Variants in SNX6 observed in about 807,000 individuals in gnomAD.
SNX6 encodes the protein sorting nexin-6.
In SNX6, 34 loss-of-function variants were observed where a neutral mutation model predicts 63.0. The ratio of observed to expected loss-of-function variants is 0.54; its 90% confidence interval spans 0.41 to 0.72. The LOEUF (loss-of-function observed/expected upper bound fraction) is 0.72. Ranked by LOEUF, SNX6 falls within the 30% of genes least tolerant of loss-of-function variation. The pLI, the probability that SNX6 is intolerant of heterozygous loss-of-function variation, is 0.00. For missense variants in SNX6, 398 were observed against 471.4 expected (o/e 0.84, Z 1.44); for synonymous variants, 170 against 164.2 (o/e 1.04, Z -0.27).
intron 2 of SNX6, among the ~76,000 whole-genome samples, chr14:34,617,098 C>A (rs1026074072): frequency 5.3e-5 from 8 of 151,802 alleles, no homozygotes; most frequent in African/African-American, 1.9e-4. Context: ...AAAATTTAAT[C>A]AACTTTCTGT....
rs533524956 is a variant in SNX6 at position 34,612,787 on chromosome 14, C to T, written c.55-3045G>A. On this transcript the variant is annotated intron_variant, in intron 2 of 13. Transcript: ENST00000362031. Reference sequence around the variant, plus strand: ...GAGGCCAGGCGCCACTGGTGGCTCACGCCTGTAATCCCAGCACTTTGGGAG... The same window carrying T: ...GAGGCCAGGCGCCACTGGTGGCTCATGCCTGTAATCCCAGCACTTTGGGAG... 3.3e-5 allele frequency among the ~76,000 whole-genome samples: 5 copies of T among 152,006 alleles called. No individual in the cohort carries two copies. In the South Asian group the frequency reaches 8.3e-4, roughly 25 times the overall value.
At chr14:34,596,012 G>A (rs1882581927) in intron 7 of SNX6, among the ~76,000 whole-genome samples, 1 of 151,958 alleles carries the variant, frequency 6.6e-6, no homozygotes, top group African/African-American at 2.4e-5. Context: ...GAGGTCAGGA[G>A]ATGGAGACCA....
At chr14:34,565,640 C>T (rs1025447932) in intron 13 of SNX6, among the ~76,000 whole-genome samples, 89 of 152,104 alleles carry the variant, frequency 5.9e-4, no homozygotes, top group Non-Finnish European at 1.0e-3. Flanking sequence ...CCTCAGCCTC[C>T]GGAGAAGCTG....
intron 1 of SNX6, 31 bp downstream of exon 1, chr14:34,630,080 C>G: frequency 1.4e-6 from 2 of 1,454,008 alleles, no homozygotes; most frequent in Non-Finnish European, 1.8e-6. Context: ...CCACCGCGCT[C>G]CCGGGACTCG....
chr14:34,586,775 C>T (rs748379298), intron 8 of SNX6, among the ~76,000 whole-genome samples: 3 of 150,826 alleles, frequency 2.0e-5, no homozygotes, highest in Non-Finnish European at 2.9e-5. Context: ...TTTGGGAGGC[C>T]GTGGCAGGTG....
chr14:34,588,141 G>A (rs2138310128), intron 8 of SNX6, among the ~76,000 whole-genome samples: 1 of 151,954 alleles, frequency 6.6e-6, no homozygotes, highest in South Asian at 2.1e-4. Context: ...TTGAGTAGCT[G>A]GGATTACAGG....
At chr14:34,616,259 T>C (rs1291388820) in intron 2 of SNX6, among the ~76,000 whole-genome samples, 1 of 152,140 alleles carries the variant, frequency 6.6e-6, no homozygotes, top group Non-Finnish European at 1.5e-5. Flanking sequence ...CAGCCAGGAA[T>C]GTCTTTCAAT....
intron 7 of SNX6, among the ~76,000 whole-genome samples, chr14:34,595,439 A>C (rs1429666101): frequency 6.6e-6 from 1 of 152,206 alleles, no homozygotes; most frequent in Non-Finnish European, 1.5e-5. Flanking sequence ...GCCCGGCCAC[A>C]GTTTTCTTAA....
At chr14:34,574,330 C>T (rs1881590140) in intron 11 of SNX6, among the ~76,000 whole-genome samples, 1 of 143,548 alleles carries the variant, frequency 7.0e-6, no homozygotes, top group Admixed American at 7.0e-5. Flanking sequence ...AGCTAGAGTC[C>T]ACCTCAAAAA....
At chr14:34,618,274 A>G (rs1383136409) in intron 2 of SNX6, among the ~76,000 whole-genome samples, 1 of 152,168 alleles carries the variant, frequency 6.6e-6, no homozygotes, top group Non-Finnish European at 1.5e-5. Flanking sequence ...ACAGTGGCCT[A>G]CCAGGCACTA....
At chr14:34,568,954 G>A in intron 11 of SNX6, 4 of 1,376,360 alleles carry the variant, frequency 2.9e-6, no homozygotes, top group Middle Eastern at 1.9e-4. Context: ...CGCTGTGGAA[G>A]CAGCTCGCGT....
chr14:34,620,061 A>T (rs1293030143), intron 2 of SNX6, among the ~76,000 whole-genome samples: 2 of 152,166 alleles, frequency 1.3e-5, no homozygotes, highest in East Asian at 3.9e-4. Context: ...ATGGCTAGAG[A>T]AAAGTCACCA....
intron 8 of SNX6, among the ~76,000 whole-genome samples, chr14:34,589,333 T>C (rs554424870): frequency 6.6e-6 from 1 of 151,848 alleles, no homozygotes; most frequent in Non-Finnish European, 1.5e-5. Context: ...TATGTGCCTG[T>C]AATCCCAGCT....
chr14:34,584,273 G>A (rs1340532600), intron 9 of SNX6, among the ~76,000 whole-genome samples: 1 of 152,154 alleles, frequency 6.6e-6, no homozygotes, highest in Non-Finnish European at 1.5e-5. Flanking sequence ...CATAGACTAT[G>A]AAAATAGTTT....
chr14:34,603,877 C>G (rs1882917444), intron 5 of SNX6, among the ~76,000 whole-genome samples: 1 of 152,002 alleles, frequency 6.6e-6, no homozygotes, highest in Non-Finnish European at 1.5e-5. Flanking sequence ...AAAACCCAAA[C>G]CTCGGTGAGC....
chr14:34,586,728 G>C (rs1882172978), intron 8 of SNX6, among the ~76,000 whole-genome samples: 1 of 134,846 alleles, frequency 7.4e-6, no homozygotes, highest in Non-Finnish European at 1.6e-5. Context: ...ACAAATTGGA[G>C]GTCGGGCGCA....
chr14:34,620,485 C>G (rs1228622957), intron 2 of SNX6, among the ~76,000 whole-genome samples: 2 of 151,584 alleles, frequency 1.3e-5, no homozygotes, highest in Non-Finnish European at 2.9e-5. Context: ...TGTCAAAAAA[C>G]AAAAACAAAA....
chr14:34,576,783 C>G (rs1046993158), intron 10 of SNX6, among the ~76,000 whole-genome samples: 2 of 151,680 alleles, frequency 1.3e-5, no homozygotes, highest in Admixed American at 1.3e-4. Flanking sequence ...GATCTTTTAC[C>G]TTCATTAATA....
intron 13 of SNX6, among the ~76,000 whole-genome samples, chr14:34,565,344 T>G (rs993827755): frequency 5.3e-5 from 8 of 151,986 alleles, no homozygotes; most frequent in African/African-American, 1.9e-4. Flanking sequence ...CCCAAAGTGC[T>G]GGGATTACAG....
Sources: allele counts gnomAD v4.1 joint callset (sites outside exome capture counted in the v4.1 genomes callset), GRCh38; gene constraint gnomAD v4.1.1; transcripts MANE v1.5; gene names NCBI Gene and HGNC (gene_info 2026-07-23, HGNC 2026-07-21).